The following THRB variants were observed in gnomAD, a reference collection of about 807,000 sequenced individuals.
THRB encodes the protein thyroid hormone receptor beta.
THRB carries 12 observed loss-of-function variants against 47.8 expected under a neutral mutation model. The ratio of observed to expected loss-of-function variants is 0.25; its 90% CI spans 0.16 to 0.41. THRB has a LOEUF of 0.41. Among genes scored for constraint, THRB ranks in the 10% least tolerant of loss-of-function variants. THRB has a pLI of 1.00. For missense variants in THRB, 348 were observed against 589.2 expected, an observed-to-expected ratio of 0.59 and a Z score of 4.24; for synonymous variants, 218 against 212.2, an observed-to-expected ratio of 1.03 and a Z score of -0.24.
chr3:24,405,247 T>G (rs1023517511), intron 1 of THRB, among the ~76,000 whole-genome samples: 1 of 151,976 alleles, frequency 6.6e-6, no homozygotes, highest in Non-Finnish European at 1.5e-5. Context: ...ACAGGTCTAT[T>G]GCAGGCGTTG....
chr3:24,197,018 C>A (rs925258583), intron 4 of THRB, among the ~76,000 whole-genome samples: 6 of 152,204 alleles, frequency 3.9e-5, no homozygotes, highest in Non-Finnish European at 8.8e-5. Flanking sequence ...TGTGATATAT[C>A]CATTTACATA....
chr3:24,348,670 C>G (rs1409137685), intron 1 of THRB: 1 of 152,078 alleles, frequency 6.6e-6, no homozygotes, highest in Non-Finnish European at 1.5e-5. Flanking sequence ...TTTCCATGGC[C>G]TTACTGAAGT....
At chr3:24,231,895 T>G (rs1169822854) in intron 3 of THRB, among the ~76,000 whole-genome samples, 2 of 152,178 alleles carry the variant, frequency 1.3e-5, no homozygotes, top group Non-Finnish European at 2.9e-5. Context: ...CTGAGTTTCT[T>G]TATTTGCCAG....
At chr3:24,151,869 G>A (rs113542586) in intron 6 of THRB, among the ~76,000 whole-genome samples, 5 of 152,196 alleles carry the variant, frequency 3.3e-5, no homozygotes, top group African/African-American at 1.2e-4. Flanking sequence ...TGTGCGAAAA[G>A]CCAACTTGGA....
intron 6 of THRB, among the ~76,000 whole-genome samples, chr3:24,148,243 T>A (rs985519948): frequency 6.6e-6 from 1 of 152,186 alleles, no homozygotes; most frequent in South Asian, 2.1e-4. Context: ...TCTCATATCT[T>A]AGCATCCAGA....
At chr3:24,303,854 T>A (rs1051726676) in intron 2 of THRB, among the ~76,000 whole-genome samples, 1 of 152,200 alleles carries the variant, frequency 6.6e-6, no homozygotes, top group South Asian at 2.1e-4. Context: ...ACTTTTATAA[T>A]CTTTTTCCTC....
rs377506834 is a variant in THRB, at chr3:24,306,738, T to C, written c.-188-9367A>G. ...TGCTCAAAGTCTTTGAATTGGCACA[T>C]TACTGTACCTTGCAGAATGTGATAC... On this transcript the variant is annotated intron_variant, in intron 2 of 10. Coordinates refer to ENST00000646209, the MANE Select transcript of THRB (RefSeq NM_001354712.2). Among the ~76,000 whole-genome samples, 31 of 152,302 alleles carry C rather than the reference T, an allele frequency of 2.0e-4. 1 individual carries two copies. In the South Asian group the frequency reaches 6.0e-3, roughly 30 times the overall value.
At chr3:24,143,801 T>G (rs551412910) in intron 7 of THRB, 95 bp from the exon 8 acceptor site, 5 of 1,310,146 alleles carry the variant, frequency 3.8e-6, no homozygotes, top group Non-Finnish European at 5.5e-6. Context: ...GGACCACTGA[T>G]GCACAGATGG....
intron 5 of THRB, among the ~76,000 whole-genome samples, chr3:24,182,922 T>A (rs2149488480): frequency 6.6e-6 from 1 of 152,338 alleles, no homozygotes; most frequent in Non-Finnish European, 1.5e-5. Flanking sequence ...GGGTCTGGAA[T>A]GTTCTTACCC....
At chr3:24,208,250 T>C (rs1649603706) in intron 4 of THRB, among the ~76,000 whole-genome samples, 2 of 151,572 alleles carry the variant, frequency 1.3e-5, no homozygotes, top group African/African-American at 4.8e-5. Flanking sequence ...GAAGAATCAA[T>C]ATTGTGAAAA....
chr3:24,329,868 A>G (rs2061806348), intron 2 of THRB, among the ~76,000 whole-genome samples: 1 of 152,268 alleles, frequency 6.6e-6, no homozygotes, highest in Non-Finnish European at 1.5e-5. Flanking sequence ...TAAAGTGCAG[A>G]TTCTCAGGCC....
chr3:24,146,546 C>A, intron 7 of THRB, 129 bp downstream of exon 7: 2 of 1,009,730 alleles, frequency 2.0e-6, no homozygotes, highest in South Asian at 1.4e-5. Flanking sequence ...GGGGTGTATG[C>A]GAAAGTAAGG....
chr3:24,233,597 A>AAGAAAGAAAG (rs1559684487), intron 3 of THRB, among the ~76,000 whole-genome samples: 1 of 150,816 alleles, frequency 6.6e-6, no homozygotes, highest in Non-Finnish European at 1.5e-5. Flanking sequence ...GAAAGAAAGA[A>AAGAAAGAAAG]AGAAAGAAAG....
intron 1 of THRB, among the ~76,000 whole-genome samples, chr3:24,426,003 C>T (rs1255216069): frequency 6.6e-6 from 1 of 151,802 alleles, no homozygotes; most frequent in African/African-American, 2.4e-5. Context: ...GTTCTTAATC[C>T]CTCTGGTCCT....
At chr3:24,253,805 A>G (rs2050913301) in intron 3 of THRB, among the ~76,000 whole-genome samples, 1 of 152,182 alleles carries the variant, frequency 6.6e-6, no homozygotes, top group Non-Finnish European at 1.5e-5. Context: ...TGATCAGTTC[A>G]GATCTCTAAA....
chr3:24,446,973 C>A (rs2072152365), intron 1 of THRB, among the ~76,000 whole-genome samples: 1 of 152,090 alleles, frequency 6.6e-6, no homozygotes, highest in Admixed American at 6.5e-5. Context: ...GTTGTCCTTG[C>A]AAAGTATTTT....
intron 4 of THRB, among the ~76,000 whole-genome samples, chr3:24,225,153 G>C (rs1318604987): frequency 2.6e-5 from 4 of 152,124 alleles, no homozygotes; most frequent in Non-Finnish European, 5.9e-5. Context: ...TGTCATAAGG[G>C]AAATTTTTAA....
chr3:24,271,410 T>A (rs1178002013), intron 3 of THRB, among the ~76,000 whole-genome samples: 1 of 152,138 alleles, frequency 6.6e-6, no homozygotes, highest in Non-Finnish European at 1.5e-5. Flanking sequence ...GTGGCTAAAC[T>A]TGTAAAGCAA....
In THRB at chr3:24,117,569, C is replaced by T. The variant is rs997290773; in HGVS notation, c.*5315G>A. 2 of 152,200 alleles carry T rather than the reference C, an allele frequency of 1.3e-5. No individual in the cohort carries two copies. The highest frequency in any genetic ancestry group is 4.8e-5 in the African/African-American group (2 of 41,434). The allele number at this position is 152,200 out of a possible 1,614,324, so 9.4% of individuals were successfully genotyped here. On this transcript the variant is annotated 3_prime_UTR_variant, in exon 11 of 11. Transcript: ENST00000646209. ...GAATTGTTGGAGAAAAGAAATTCTC[C>T]TTTCACTATATTTGGAGCTGTAAAG... is the stretch of plus-strand genomic sequence containing the variant.
Sources: gnomAD v4.1 joint callset for allele counts (sites outside exome capture counted in the v4.1 genomes callset) on GRCh38, gnomAD v4.1.1 for gene constraint, MANE v1.5 for transcripts, NCBI Gene and HGNC (gene_info 2026-07-23, HGNC 2026-07-21) for gene names.